The following SLCO4A1 variants were observed in gnomAD, a reference collection of about 807,000 sequenced individuals.
SLCO4A1 encodes solute carrier organic anion transporter family member 4A1, also known as colon organic anion transporter.
SLCO4A1 carries 51 observed loss-of-function variants against 64.6 expected under a neutral mutation model. That is an observed-to-expected ratio of 0.79 (90% confidence interval 0.63 to 1.00). SLCO4A1 has a LOEUF of 1.00. Among genes scored for constraint, SLCO4A1 ranks in the 50% least tolerant of loss-of-function variants. The pLI is 0.00. For missense variants in SLCO4A1, 919 were observed against 980.5 expected (o/e 0.94, Z 0.84); for synonymous variants, 471 against 444.9 (o/e 1.06, Z -0.74).
Position 62,656,410 on chromosome 20 carries a change from C to T in SLCO4A1, c.-45C>T, listed in dbSNP as rs371318867. ...TGGCCACTCCCGCTGAGGCCACTCC[C>T]ACTGCGTGGCTGAAGCCTCGAGGTC... On this transcript the variant is annotated 5_prime_UTR_variant, in exon 2 of 12. Coordinates refer to ENST00000217159, the MANE Select transcript of SLCO4A1 (RefSeq NM_016354.4). 2 of 1,439,098 alleles carry T rather than the reference C, an allele frequency of 1.4e-6. No homozygotes were observed. The highest frequency in any genetic ancestry group is 9.1e-7 in the Non-Finnish European group (1 of 1,094,280). 89.1% of individuals were successfully genotyped at this position (1,439,098 alleles called of 1,614,324 possible). A position where few individuals can be genotyped will look rare whatever the true frequency, so the allele number is the denominator to read the frequency against.
At chr20:62,663,273 A>G (rs527670805) in intron 5 of SLCO4A1, 4 of 152,310 alleles carry the variant, frequency 2.6e-5, no homozygotes, top group Admixed American at 1.3e-4. Context: ...ATCCATTTAC[A>G]TTTGGCCACC....
At chr20:62,677,334 C>G (rs1987640706) in intron 2 of SLCO4A1, among the ~76,000 whole-genome samples, 1 of 152,256 alleles carries the variant, frequency 6.6e-6, no homozygotes, top group African/African-American at 2.4e-5. Context: ...TCCATCCATG[C>G]ATTCATCGCT....
At chr20:62,648,779 C>G (rs924905386) in intron 1 of SLCO4A1, among the ~76,000 whole-genome samples, 2 of 152,218 alleles carry the variant, frequency 1.3e-5, no homozygotes, top group African/African-American at 4.8e-5. Flanking sequence ...GACTGGAATT[C>G]ACTCCAGGCT....
chr20:62,666,535 A>G lies in SLCO4A1; in HGVS notation c.1432A>G (p.Ser478Gly). The G allele has an allele frequency of 6.2e-7, 1 of 1,613,236 alleles. No individual in the cohort carries two copies. The highest frequency in any genetic ancestry group is 8.5e-7 in the Non-Finnish European group (1 of 1,179,936). Residue 478 changes from serine to glycine, a missense_variant, in exon 7 of 12, where the codon AGT becomes GGT. Physicochemically the swap from Ser to Gly is moderately conservative, Grantham distance 56. Transcript: ENST00000217159. ...CCTCGTCTTCTCACTGCACTGCCCC[A>G]GTGTGCCCATGGCGGGCGTCACAGC... is the stretch of plus-strand genomic sequence containing the variant. The part of the protein sequence containing the change: ...GILVFSLHCP[S>G]VPMAGVTASY...
downstream of SLCO4A1, among the ~76,000 whole-genome samples, chr20:62,686,398 T>G (rs1376836235): frequency 6.6e-6 from 1 of 152,026 alleles, no homozygotes; most frequent in Non-Finnish European, 1.5e-5. Flanking sequence ...TGTGACTGAG[T>G]GTCATGTCCT....
At chr20:62,673,295 A>G (rs1367411517), downstream of SLCO4A1, among the ~76,000 whole-genome samples, 2 of 142,866 alleles carry the variant, frequency 1.4e-5, 1 homozygote, top group Non-Finnish European at 3.2e-5. Flanking sequence ...CTGGGGAGCC[A>G]GGGAAGTGGA....
intron 5 of SLCO4A1, among the ~76,000 whole-genome samples, chr20:62,662,308 C>T (rs1985120972): frequency 6.6e-6 from 1 of 152,152 alleles, no homozygotes; most frequent in African/African-American, 2.4e-5. Context: ...GACCCGGGGC[C>T]ACGTTCCCAG....
chr20:62,676,503 T>TTATTTTG (rs749524910), downstream of SLCO4A1, among the ~76,000 whole-genome samples: 4 of 152,190 alleles, frequency 2.6e-5, no homozygotes, highest in Admixed American at 6.5e-5. Context: ...TGACTTTTAT[T>TTATTTTG]TCATCACAAA....
At chr20:62,687,390 C>T (rs182726980), downstream of SLCO4A1, among the ~76,000 whole-genome samples, 8 of 152,356 alleles carry the variant, frequency 5.3e-5, no homozygotes, top group East Asian at 1.9e-4. Flanking sequence ...AGCCGAGGCC[C>T]GGGGAGGAGC....
At chr20:62,681,778 G>A (rs1987844285) in intron 2 of SLCO4A1, among the ~76,000 whole-genome samples, 1 of 152,134 alleles carries the variant, frequency 6.6e-6, no homozygotes, top group Admixed American at 6.5e-5. Flanking sequence ...GAATTCACCA[G>A]TGAAGACATC....
chr20:62,667,635 AC>A (rs1986603495), intron 7 of SLCO4A1, 109 bp from the exon 8 acceptor site: 1 of 1,326,560 alleles, frequency 7.5e-7, no homozygotes, highest in East Asian at 2.3e-5. Flanking sequence ...AAGTTTGTAG[AC>A]CCGAAATGCA....
intron 11 of SLCO4A1, among the ~76,000 whole-genome samples, 161 bp from the exon 12 acceptor site, chr20:62,671,589 C>T (rs1023429440): frequency 3.3e-5 from 5 of 152,244 alleles, no homozygotes; most frequent in South Asian, 2.1e-4. Flanking sequence ...CTCTACAAAC[C>T]GGTTATATGG....
intron 3 of SLCO4A1, among the ~76,000 whole-genome samples, chr20:62,660,044 A>G (rs938338625): frequency 6.6e-6 from 1 of 152,126 alleles, no homozygotes; most frequent in African/African-American, 2.4e-5. Flanking sequence ...TGGGAACCCC[A>G]TCTGTCATCC....
At chr20:62,651,785 C>T (rs928550424) in intron 1 of SLCO4A1, 10 of 152,284 alleles carry the variant, frequency 6.6e-5, no homozygotes, top group Admixed American at 2.6e-4. Flanking sequence ...GCTATGCAGA[C>T]GGGATCCTCC....
At chr20:62,669,183 C>T in intron 11 of SLCO4A1, 105 bp downstream of exon 11, 1 of 1,121,310 alleles carries the variant, frequency 8.9e-7, no homozygotes, top group Non-Finnish European at 1.3e-6. Flanking sequence ...TAGTACATCA[C>T]AGATGTTCCT....
In SLCO4A1 at chr20:62,685,453, G is replaced by T; in HGVS notation, n.224G>T. On this transcript the variant is annotated non_coding_transcript_exon_variant, in exon 3 of 3. Coordinates refer to the SLCO4A1 transcript ENST00000466818. The surrounding 1 kb of genome is among the most constrained non-coding windows in gnomAD (Gnocchi z 4.6). ...TTTTTTTCTTAAGGAAGAAGAGAAT[G>T]AATTTAGAAGGCTGTAAACCCCATC... The T allele has an allele frequency of 1.0e-6, 1 of 985,216 alleles. No homozygotes were observed. Among genetic ancestry groups the T allele is most frequent in the Non-Finnish European group, 1.2e-6 (1 of 829,712 alleles). The allele number at this position is 985,216 out of a possible 1,614,324, so 61.0% of individuals were successfully genotyped here. A position where few individuals can be genotyped will look rare whatever the true frequency, so the allele number is the denominator to read the frequency against.
intron 2 of SLCO4A1, among the ~76,000 whole-genome samples, chr20:62,683,832 C>T (rs984782233): frequency 5.9e-5 from 9 of 152,210 alleles, no homozygotes; most frequent in Non-Finnish European, 1.0e-4. Context: ...AACGCTGCAC[C>T]GGATGCAAGA....
rs556293567 is a variant in SLCO4A1 at position 62,668,250 on chromosome 20, C to T, written c.1811+66C>T. ...TGCAGCACCCTGAGGCGGAGCTCTG[C>T]AGATCCTGAGACAGGAGCACTCCAG... is the stretch of plus-strand genomic sequence containing the variant. On this transcript the variant is annotated intron_variant, in intron 9 of 11. Coordinates refer to ENST00000217159, the MANE Select transcript of SLCO4A1 (RefSeq NM_016354.4). 3.8e-6 allele frequency: 6 copies of T among 1,570,568 alleles called. No homozygotes were observed. The East Asian group carries it at 9.0e-5, about 23-fold the overall frequency.
intron 1 of SLCO4A1, chr20:62,649,997 C>T (rs541309979): frequency 3.3e-5 from 5 of 152,300 alleles, no homozygotes; most frequent in Non-Finnish European, 7.3e-5. Context: ...GCTCCCTCCC[C>T]AGCTCCGTAG....
Sources: gnomAD v4.1 joint callset for allele counts (sites outside exome capture counted in the v4.1 genomes callset) on GRCh38, gnomAD v4.1.1 for gene constraint, Gnocchi (gnomAD v3.1) non-coding constraint, MANE v1.5 for transcripts, NCBI Gene and HGNC (gene_info 2026-07-23, HGNC 2026-07-21) for gene names.